The following ADARB2 variants were observed in gnomAD, a reference collection of about 807,000 sequenced individuals.
ADARB2 encodes inactive double-stranded RNA-specific editase B2.
In ADARB2, 25 loss-of-function variants were observed where a neutral mutation model predicts 62.2. That is an observed-to-expected ratio of 0.40 (90% CI 0.29 to 0.56). ADARB2 has a LOEUF of 0.56. Ranked by LOEUF, ADARB2 falls within the 20% of genes least tolerant of loss-of-function variation. The probability of loss-of-function intolerance (pLI) is 0.43; values close to 1 mark genes in which losing one functional copy is unlikely to be tolerated. For synonymous variants in ADARB2, 572 were observed against 500.8 expected (o/e 1.14, Z -1.90); for missense variants, 1,071 against 1,077.4 (o/e 0.99, Z 0.08).
chr10:1,279,271 T>C (rs1250426605), intron 3 of ADARB2, among the ~76,000 whole-genome samples: 1 of 152,198 alleles, frequency 6.6e-6, no homozygotes, highest in Non-Finnish European at 1.5e-5. Flanking sequence ...TGTGTATGCA[T>C]GAAGACAGAG....
intron 1 of ADARB2, among the ~76,000 whole-genome samples, chr10:1,623,332 G>A (rs995172137): frequency 5.9e-5 from 9 of 152,116 alleles, no homozygotes; most frequent in Non-Finnish European, 8.8e-5. Flanking sequence ...AATTGTGCAC[G>A]GGCAAAGTCT....
intron 1 of ADARB2, among the ~76,000 whole-genome samples, chr10:1,606,245 G>A (rs1019680819): frequency 1.1e-4 from 17 of 152,096 alleles, no homozygotes; most frequent in African/African-American, 4.1e-4. Context: ...ACTAGTTCTC[G>A]AAGTTCTCCT....
rs2131733582 is a variant in ADARB2, at chr10:1,185,010, C to T, written c.1894G>A (p.Gly632Arg). The change falls in exon 9 of 10, where the codon GGG (glycine) becomes AGG (arginine). Residue 632 changes from glycine (G) to arginine (R), a missense_variant. Gly to Arg is a moderately radical substitution (Grantham distance 125). Coordinates refer to ENST00000381312, the MANE Select transcript of ADARB2 (RefSeq NM_018702.4). The part of the protein sequence containing the change: ...GVSDAEARQP[G>R]KSPPFSMNWV... Reference sequence around the variant, plus strand: ...TTCATGCTGAAGGGGGGCGACTTCCCCGGCTGGCGCGCCTCGGCGTCACTC... The same window carrying T: ...TTCATGCTGAAGGGGGGCGACTTCCTCGGCTGGCGCGCCTCGGCGTCACTC... 1.9e-6 allele frequency: 3 copies of T among 1,613,102 alleles called. No individual in the cohort carries two copies. The highest frequency in any genetic ancestry group is 2.5e-6 in the Non-Finnish European group (3 of 1,179,832).
intron 1 of ADARB2, among the ~76,000 whole-genome samples, chr10:1,437,516 A>T (rs1830846746): frequency 6.6e-6 from 1 of 152,172 alleles, no homozygotes. Flanking sequence ...CAGGTCTCTT[A>T]TTTGCACAGC....
chr10:1,733,661 T>C lies in ADARB2; in HGVS notation c.100+3390A>G, dbSNP rs151064296. Among the ~76,000 whole-genome samples the C allele has an allele frequency of 1.6e-3, 248 of 152,314 alleles. 1 individual carries two copies. Among genetic ancestry groups the C allele is most frequent in the African/African-American group, 5.5e-3 (230 of 41,580 alleles). On this transcript the variant is annotated intron_variant, in intron 1 of 9. Coordinates refer to ENST00000381312, the MANE Select transcript of ADARB2 (RefSeq NM_018702.4). ...CAAAAAAAACCCTTTTTCTTTATTA[T>C]TTTTTGGTTAAAGTGTATCCTTTTT... is the stretch of plus-strand genomic sequence containing the variant.
intron 1 of ADARB2, among the ~76,000 whole-genome samples, chr10:1,640,239 T>C (rs530432116): frequency 2.0e-5 from 3 of 152,334 alleles, no homozygotes; most frequent in East Asian, 1.9e-4. Flanking sequence ...TGGACAATTA[T>C]AGTCTTACTC....
intron 1 of ADARB2, among the ~76,000 whole-genome samples, chr10:1,522,664 T>C (rs557375645): frequency 5.3e-5 from 8 of 152,318 alleles, no homozygotes; most frequent in African/African-American, 1.4e-4. Context: ...CCTACACATG[T>C]CCCTCTTCTC....
intron 1 of ADARB2, chr10:1,394,998 C>A (rs1173689679): frequency 2.2e-5 from 10 of 454,154 alleles, no homozygotes; most frequent in African/African-American, 1.8e-4. Context: ...CAGCTCCCTG[C>A]AGCCTCGAAC....
At chr10:1,678,242 C>T in intron 1 of ADARB2, 2 of 985,210 alleles carry the variant, frequency 2.0e-6, no homozygotes, top group Non-Finnish European at 2.4e-6. Flanking sequence ...GGGTGAGTGT[C>T]CTCGGGGTGA....
At chr10:1,582,204 T>TTTGGAG (rs71379149) in intron 1 of ADARB2, among the ~76,000 whole-genome samples, 27,787 of 151,838 alleles carry the variant, frequency 0.18, 2,995 homozygotes, top group East Asian at 0.39. Context: ...CAGGAAACCA[T>TTTGGAG]TTGGAGTTGG....
intron 4 of ADARB2, among the ~76,000 whole-genome samples, chr10:1,260,136 T>C (rs1043553695): frequency 1.1e-4 from 17 of 152,342 alleles, no homozygotes; most frequent in Admixed American, 5.2e-4. Flanking sequence ...AAATTAGTTA[T>C]TGATGGGACG....
intron 1 of ADARB2, among the ~76,000 whole-genome samples, chr10:1,516,406 T>C (rs1832009822): frequency 6.6e-6 from 1 of 152,186 alleles, no homozygotes; most frequent in African/African-American, 2.4e-5. Context: ...CACCTGCTTG[T>C]GACCAGCGTG....
At chr10:1,732,685 TGCA>T (rs1398287671) in intron 1 of ADARB2, among the ~76,000 whole-genome samples, 1 of 152,250 alleles carries the variant, frequency 6.6e-6, no homozygotes, top group Admixed American at 6.5e-5. Context: ...CGGCCGGCGG[TGCA>T]GGACTGTGTC....
intron 3 of ADARB2, among the ~76,000 whole-genome samples, chr10:1,297,220 G>A (rs1040040357): frequency 5.9e-5 from 9 of 152,166 alleles, no homozygotes; most frequent in South Asian, 2.1e-4. Flanking sequence ...TGTCTTTATC[G>A]CAGGGAGGAA....
At chr10:1,367,040 C>T (rs549895390) in intron 2 of ADARB2, among the ~76,000 whole-genome samples, 1 of 152,316 alleles carries the variant, frequency 6.6e-6, no homozygotes, top group Non-Finnish European at 1.5e-5. Context: ...CTGGCCCAGC[C>T]CCACGCTCCC....
intron 1 of ADARB2, among the ~76,000 whole-genome samples, chr10:1,647,701 T>C (rs906792543): frequency 6.6e-6 from 1 of 152,030 alleles, no homozygotes; most frequent in African/African-American, 2.4e-5. Context: ...TGTGTGCATA[T>C]ATGTGTGTAT....
intron 1 of ADARB2, among the ~76,000 whole-genome samples, chr10:1,422,763 A>C (rs915818918): frequency 7.2e-5 from 11 of 152,192 alleles, no homozygotes; most frequent in African/African-American, 2.4e-4. Context: ...GGCTGTATAC[A>C]CTGTGCAGAC....
chr10:1,379,944 T>C (rs997658147), intron 1 of ADARB2, among the ~76,000 whole-genome samples: 6 of 152,212 alleles, frequency 3.9e-5, no homozygotes, highest in African/African-American at 1.4e-4. Flanking sequence ...ATTTCATCAA[T>C]AGCGAGATTA....
At chr10:1,608,265 C>T (rs17156607) in intron 1 of ADARB2, among the ~76,000 whole-genome samples, 16,182 of 152,206 alleles carry the variant, frequency 0.11, 1,012 homozygotes, top group Non-Finnish European at 0.13. Flanking sequence ...CAGTTTATTT[C>T]CTGGATTTAT....
Sources: allele counts gnomAD v4.1 joint callset (sites outside exome capture counted in the v4.1 genomes callset), GRCh38; gene constraint gnomAD v4.1.1; transcripts MANE v1.5; gene names NCBI Gene and HGNC (gene_info 2026-07-23, HGNC 2026-07-21).